NFIB: variants seen among roughly 807,000 people sequenced by gnomAD.
NFIB encodes nuclear factor I B.
A neutral mutation model predicts 61.5 loss-of-function variants in NFIB; 11 were observed. The ratio of observed to expected loss-of-function variants is 0.18; its 90% CI spans 0.11 to 0.30. The LOEUF (loss-of-function observed/expected upper bound fraction) is 0.30. NFIB is among the 10% of genes least tolerant of loss of function. The pLI, the probability that NFIB is intolerant of heterozygous loss-of-function variation, is 1.00. For synonymous variants in NFIB, 260 were observed against 216.5 expected (o/e 1.20, Z -1.76); for missense variants, 471 against 608.9 (o/e 0.77, Z 2.38).
chr9:14,349,093 C>T (rs1474655766), intron 1 of NFIB, among the ~76,000 whole-genome samples: 3 of 152,254 alleles, frequency 2.0e-5, no homozygotes, highest in African/African-American at 7.2e-5. Context: ...TGAGGGAAAT[C>T]ACTCTCTGCT....
chr9:14,236,078 C>T (rs541067019), intron 2 of NFIB, among the ~76,000 whole-genome samples: 1 of 152,150 alleles, frequency 6.6e-6, no homozygotes, highest in African/African-American at 2.4e-5. Flanking sequence ...GATCATAACA[C>T]AATAATCACT....
the NFIB span, among the ~76,000 whole-genome samples, chr9:14,418,598 C>T: frequency 6.6e-6 from 1 of 152,108 alleles, no homozygotes; most frequent in Non-Finnish European, 1.5e-5. Context: ...GCGTGTGAGC[C>T]CTGTGTCTCT....
In NFIB at chr9:14,336,733, C is replaced by T. The variant is rs10961480; in HGVS notation, c.109-29213G>A. 2.7e-3 allele frequency among the ~76,000 whole-genome samples: 325 copies of T among 118,508 alleles called. 3 individuals are homozygous for T. The highest frequency in any genetic ancestry group is 9.0e-3 in the African/African-American group (320 of 35,530). 77.7% of individuals were successfully genotyped at this position (118,508 alleles called of 152,430 possible). On this transcript the variant is annotated intron_variant, in intron 1 of 8. Transcript: ENST00000380934. ...GTTTAATGCTCTGCAGTCACCACATCGAAACACTTTATTTATTTATTTATT... is the reference window on the plus strand; with the variant it reads ...GTTTAATGCTCTGCAGTCACCACATTGAAACACTTTATTTATTTATTTATT...
At chr9:14,416,759 G>A in the NFIB span, among the ~76,000 whole-genome samples, 2 of 151,938 alleles carry the variant, frequency 1.3e-5, no homozygotes, top group South Asian at 2.1e-4. Flanking sequence ...TCTTTATAAA[G>A]CCTACAGTAG....
the NFIB span, among the ~76,000 whole-genome samples, chr9:14,416,506 C>CA: frequency 0.2 from 25,910 of 129,624 alleles, 2,341 homozygotes; most frequent in African/African-American, 0.25. Context: ...TAGTTTTTAA[C>CA]AAAAAAAAAA....
intron 2 of NFIB, among the ~76,000 whole-genome samples, chr9:14,297,962 G>C (rs1468372160): frequency 6.6e-6 from 1 of 151,880 alleles, no homozygotes; most frequent in Admixed American, 6.6e-5. Flanking sequence ...TGCACATGAG[G>C]TTTTCATGAA....
In NFIB at chr9:14,219,657, T is replaced by A. The variant is rs1463073884; in HGVS notation, c.563-39877A>T. The stretch of plus-strand genomic sequence containing the variant: ...TTTTGTTTTGTTTTGTTTCTTTTAC[T>A]AAATGGTGAGCAATGTTAGAGATAA... On this transcript the variant is annotated intron_variant, in intron 2 of 10. Coordinates refer to ENST00000380953, the MANE Select transcript of NFIB (RefSeq NM_001190737.2). Among the ~76,000 whole-genome samples the A allele has an allele frequency of 3.3e-5, 5 of 152,174 alleles. No individual in the cohort carries two copies. The East Asian group carries it at 9.6e-4, about 29-fold the overall frequency.
chr9:14,370,877 T>C (rs1180136647), intron 1 of NFIB, among the ~76,000 whole-genome samples: 1 of 152,150 alleles, frequency 6.6e-6, no homozygotes, highest in Non-Finnish European at 1.5e-5. Context: ...GGTGGATCAC[T>C]TGAGGTCGGG....
intron 2 of NFIB, among the ~76,000 whole-genome samples, chr9:14,246,669 C>G (rs952478275): frequency 4.9e-4 from 75 of 152,248 alleles, no homozygotes; most frequent in African/African-American, 1.5e-3. Context: ...AATTAACAGG[C>G]AAATATTAGG....
the NFIB span, among the ~76,000 whole-genome samples, chr9:14,446,692 G>A: frequency 4.9e-3 from 750 of 151,882 alleles, 2 homozygotes; most frequent in Non-Finnish European, 7.4e-3. Context: ...AACAATATCC[G>A]GGCCCATACT....
chr9:14,086,187 T>G lies in NFIB; in HGVS notation c.*2122A>C, dbSNP rs2032837006. 1 of 223,046 alleles carries G rather than the reference T, an allele frequency of 4.5e-6. No individual in the cohort carries two copies. The highest frequency in any genetic ancestry group is 9.0e-6 in the Non-Finnish European group (1 of 111,384). The allele number at this position is 223,046 out of a possible 1,614,324, so 13.8% of individuals were successfully genotyped here. On this transcript the variant is annotated 3_prime_UTR_variant, in exon 11 of 11. Coordinates refer to ENST00000380953, the MANE Select transcript of NFIB (RefSeq NM_001190737.2). ...AGTCGCTTTGCAGCCCAGGCCCATC[T>G]CAGGGTGCACTGCTTCACAGCTACA...
intron 1 of NFIB, among the ~76,000 whole-genome samples, chr9:14,321,357 G>A (rs999483347): frequency 2.6e-5 from 4 of 152,100 alleles, no homozygotes; most frequent in Admixed American, 6.5e-5. Flanking sequence ...CGGAAGAAAG[G>A]CTAACAATAG....
At chr9:14,315,368 C>T (rs1024688924), upstream of NFIB, among the ~76,000 whole-genome samples, 4 of 150,938 alleles carry the variant, frequency 2.7e-5, no homozygotes, top group African/African-American at 7.3e-5. Context: ...CCGCCGCCGC[C>T]TCTTGCTCCC....
At position 14,141,830 on chromosome 9, in the gene NFIB, C is replaced by T. The variant is rs534524064; in HGVS notation, c.925+4859G>A. ...TAGAAATCCCCAGCTGAGGGCAACC[C>T]GCTGGGGTCCCCCTTCCACACTGTG... On this transcript the variant is annotated intron_variant, in intron 6 of 10. Coordinates refer to ENST00000380953, the MANE Select transcript of NFIB (RefSeq NM_001190737.2). 1.4e-4 allele frequency among the ~76,000 whole-genome samples: 20 copies of T among 148,118 alleles called. No individual in the cohort carries two copies. In the East Asian group the frequency reaches 1.8e-3, roughly 14 times the overall value.
the NFIB span, among the ~76,000 whole-genome samples, chr9:14,497,152 T>G: frequency 6.6e-6 from 1 of 152,250 alleles, no homozygotes; most frequent in South Asian, 2.1e-4. Flanking sequence ...TTAAGTTATA[T>G]TCCAGGTATC....
chr9:14,461,635 G>A, the NFIB span, among the ~76,000 whole-genome samples: 4 of 152,124 alleles, frequency 2.6e-5, no homozygotes, highest in African/African-American at 7.2e-5. Flanking sequence ...GCATTCCAGC[G>A]TCGGCACCCC....
the NFIB span, among the ~76,000 whole-genome samples, chr9:14,513,352 G>A: frequency 9.2e-5 from 14 of 152,202 alleles, no homozygotes; most frequent in Admixed American, 5.2e-4. Flanking sequence ...AATGAAGGCC[G>A]GGTGTGGTGG....
rs570263617 is a variant in NFIB, at chr9:14,351,912, C to T, written c.109-44392G>A. Among the ~76,000 whole-genome samples, 18 of 152,300 alleles carry T rather than the reference C, an allele frequency of 1.2e-4. No individual in the cohort carries two copies. The South Asian group carries it at 2.9e-3, about 25-fold the overall frequency. ...TTTACATAGATTCCAAGGGACTTGA[C>T]TTACTAAAAGGCATACATGGATCTG... On this transcript the variant is annotated intron_variant, in intron 1 of 8. Transcript: ENST00000380934.
At chr9:14,512,990 G>C in the NFIB span, among the ~76,000 whole-genome samples, 3 of 145,248 alleles carry the variant, frequency 2.1e-5, no homozygotes, top group African/African-American at 7.6e-5. Flanking sequence ...GAATTTTCAA[G>C]ACAATGTAAC....
Sources: gnomAD v4.1 joint callset for allele counts (sites outside exome capture counted in the v4.1 genomes callset) on GRCh38, gnomAD v4.1.1 for gene constraint, MANE v1.5 for transcripts, NCBI Gene and HGNC (gene_info 2026-07-23, HGNC 2026-07-21) for gene names.